CELF2: variants seen among roughly 807,000 people sequenced by gnomAD.
The protein encoded by CELF2 is CUG triplet repeat RNA-binding protein 2.
CELF2 carries 8 observed loss-of-function variants against 62.6 expected under a neutral mutation model. That is an observed-to-expected ratio of 0.13 (90% CI 0.07 to 0.23). The LOEUF (loss-of-function observed/expected upper bound fraction) is 0.23. Among genes scored for constraint, CELF2 ranks in the 10% least tolerant of loss-of-function variants. CELF2 has a pLI of 1.00. For synonymous variants in CELF2, 258 were observed against 250.0 expected (o/e 1.03, Z -0.30); for missense variants, 333 against 671.0 (o/e 0.50, Z 5.56).
intron 1 of CELF2, among the ~76,000 whole-genome samples, chr10:10,860,693 C>T (rs1246806984): frequency 1.3e-5 from 2 of 152,160 alleles, no homozygotes; most frequent in African/African-American, 4.8e-5. Flanking sequence ...GAGAGGTTCA[C>T]AGGGCTTCAC....
At chr10:11,308,870 G>C (rs2094416811) in intron 9 of CELF2, among the ~76,000 whole-genome samples, 1 of 152,168 alleles carries the variant, frequency 6.6e-6, no homozygotes, top group Admixed American at 6.5e-5. Context: ...AGAATTGCAA[G>C]TGTCCTCTGT....
the CELF2 span, among the ~76,000 whole-genome samples, chr10:10,492,999 G>A: frequency 1.3e-5 from 2 of 152,190 alleles, no homozygotes; most frequent in African/African-American, 2.4e-5. Context: ...CCCCACCCAT[G>A]TGGGACTGTG....
the CELF2 span, among the ~76,000 whole-genome samples, chr10:10,472,842 G>A: frequency 6.6e-6 from 1 of 151,940 alleles, no homozygotes; most frequent in Admixed American, 6.6e-5. Flanking sequence ...GCCTCCTGGA[G>A]GTTTCCCCTA....
At chr10:10,465,781 A>T in the CELF2 span, among the ~76,000 whole-genome samples, 1 of 152,146 alleles carries the variant, frequency 6.6e-6, no homozygotes, top group Admixed American at 6.6e-5. Flanking sequence ...AGAGATGGTT[A>T]TGGCGGGCTT....
the CELF2 span, among the ~76,000 whole-genome samples, chr10:10,684,405 C>T: frequency 6.6e-6 from 1 of 152,104 alleles, no homozygotes; most frequent in Non-Finnish European, 1.5e-5. Flanking sequence ...ATATGGAAAA[C>T]GATTTCCATT....
intron 1 of CELF2, among the ~76,000 whole-genome samples, chr10:10,812,005 A>G (rs1181137840): frequency 6.6e-6 from 1 of 152,200 alleles, no homozygotes; most frequent in Non-Finnish European, 1.5e-5. Flanking sequence ...TATGCTGTCC[A>G]GTCCACAGTA....
the CELF2 span, among the ~76,000 whole-genome samples, chr10:10,699,079 A>T: frequency 6.6e-6 from 1 of 152,088 alleles, no homozygotes; most frequent in East Asian, 1.9e-4. Flanking sequence ...CATATATTTG[A>T]ATTTCCTCAC....
At chr10:10,568,720 C>T in the CELF2 span, among the ~76,000 whole-genome samples, 1 of 152,010 alleles carries the variant, frequency 6.6e-6, no homozygotes, top group Non-Finnish European at 1.5e-5. Flanking sequence ...ATTTTGTTGG[C>T]TTTTATTTTC....
At position 10,931,983 on chromosome 10, in the gene CELF2, A is replaced by C. The variant is rs1269598468; in HGVS notation, c.89+11984A>C. On this transcript the variant is annotated intron_variant, in intron 2 of 13. Coordinates refer to the CELF2 transcript ENST00000636488. The surrounding 1 kb of genome is among the most constrained non-coding windows in gnomAD (Gnocchi z 6.1). ...CATCTCATGAGTCTTATTCACTATCATGAGAACAGCATGGGAAAGACCTGC... is the reference window on the plus strand; with the variant it reads ...CATCTCATGAGTCTTATTCACTATCCTGAGAACAGCATGGGAAAGACCTGC... Among the ~76,000 whole-genome samples the C allele has an allele frequency of 6.6e-6, 1 of 152,136 alleles. No homozygotes were observed. The highest frequency in any genetic ancestry group is 1.9e-4 in the East Asian group (1 of 5,196).
the CELF2 span, among the ~76,000 whole-genome samples, chr10:10,475,476 C>CAAAAA: frequency 7.0e-6 from 1 of 143,558 alleles, no homozygotes. Context: ...CTTGGCCACT[C>CAAAAA]AAAAAAAAAA....
the CELF2 span, among the ~76,000 whole-genome samples, chr10:10,629,052 C>T: frequency 2.6e-5 from 4 of 152,108 alleles, no homozygotes; most frequent in Non-Finnish European, 4.4e-5. Flanking sequence ...TTCCACTCTC[C>T]CTAGAGAGTT....
the CELF2 span, among the ~76,000 whole-genome samples, chr10:10,642,536 A>G: frequency 6.6e-6 from 1 of 152,258 alleles, no homozygotes; most frequent in Non-Finnish European, 1.5e-5. Context: ...TCTTCCATGC[A>G]TGTGCTTTAG....
chr10:11,022,169 A>G (rs1449244363), intron 1 of CELF2, among the ~76,000 whole-genome samples: 1 of 152,238 alleles, frequency 6.6e-6, no homozygotes, highest in Non-Finnish European at 1.5e-5. Context: ...AGTCTAAAGA[A>G]AAGACTTTGC....
chr10:11,219,431 C>T (rs571430741), intron 3 of CELF2, among the ~76,000 whole-genome samples: 26 of 152,284 alleles, frequency 1.7e-4, no homozygotes, highest in Non-Finnish European at 3.2e-4. Flanking sequence ...GTTACAGACC[C>T]ACTGTCAAGG....
At chr10:11,102,611 G>A (rs2052024718) in intron 1 of CELF2, among the ~76,000 whole-genome samples, 2 of 152,186 alleles carry the variant, frequency 1.3e-5, no homozygotes, top group Non-Finnish European at 2.9e-5. Flanking sequence ...AGCCATGCTG[G>A]TGGCTTCAGA....
intron 2 of CELF2, among the ~76,000 whole-genome samples, chr10:11,183,202 A>G (rs559591887): frequency 7.6e-4 from 116 of 152,314 alleles, no homozygotes; most frequent in Non-Finnish European, 1.5e-3. Flanking sequence ...CTAGAATGTT[A>G]CATAACTGCA....
the CELF2 span, among the ~76,000 whole-genome samples, chr10:10,717,292 G>A: frequency 3.3e-5 from 5 of 151,878 alleles, no homozygotes; most frequent in South Asian, 1.0e-3. Flanking sequence ...CCTGCCTTTG[G>A]AAATTTTTTT....
chr10:11,150,183 C>T (rs1409997959), intron 1 of CELF2, among the ~76,000 whole-genome samples: 1 of 152,170 alleles, frequency 6.6e-6, no homozygotes, highest in Non-Finnish European at 1.5e-5. Context: ...CTAAATCAGT[C>T]ATCTAGAAAA....
In CELF2 at chr10:11,165,803, G is replaced by A; in HGVS notation, c.271+121G>A. The A allele has an allele frequency of 1.1e-6, 1 of 935,682 alleles. No individual in the cohort carries two copies. The highest frequency in any genetic ancestry group is 2.7e-5 in the East Asian group (1 of 36,774). 58.0% of individuals were successfully genotyped at this position (935,682 alleles called of 1,614,324 possible). Reference sequence around the variant, plus strand: ...TAGGCAGGAGGGCTGGAAGCAGCCGGTGCTGGCGGCCCCTGTGCTCCAGGG... The same window carrying A: ...TAGGCAGGAGGGCTGGAAGCAGCCGATGCTGGCGGCCCCTGTGCTCCAGGG... On this transcript the variant is annotated intron_variant, in intron 2 of 12. Coordinates refer to ENST00000633077, the MANE Select transcript of CELF2 (RefSeq NM_001326342.2). This position sits in a 1 kb window ranked among gnomAD's most constrained non-coding sequence, Gnocchi z 7.4.
Sources: gnomAD v4.1 joint callset for allele counts (sites outside exome capture counted in the v4.1 genomes callset) on GRCh38, gnomAD v4.1.1 for gene constraint, Gnocchi (gnomAD v3.1) non-coding constraint, MANE v1.5 for transcripts, NCBI Gene and HGNC (gene_info 2026-07-23, HGNC 2026-07-21) for gene names.